The following CDH10 variants were observed in gnomAD, a reference collection of about 807,000 sequenced individuals.
CDH10 encodes cadherin-10.
CDH10 carries 30 observed loss-of-function variants against 73.1 expected under a neutral mutation model. That is an observed-to-expected ratio of 0.41 (90% CI 0.31 to 0.56). The LOEUF is 0.56. Among genes scored for constraint, CDH10 ranks in the 20% least tolerant of loss-of-function variants. CDH10 has a pLI of 0.27. For synonymous variants in CDH10, 345 were observed against 348.2 expected (o/e 0.99, Z 0.10); for missense variants, 815 against 973.7 (o/e 0.84, Z 2.17).
chr5:24,644,386 C>T (rs1748147894), intron 1 of CDH10, among the ~76,000 whole-genome samples: 1 of 151,998 alleles, frequency 6.6e-6, no homozygotes, highest in Non-Finnish European at 1.5e-5. Flanking sequence ...CTTTACATTG[C>T]CTATATAGAT....
intron 1 of CDH10, among the ~76,000 whole-genome samples, chr5:24,604,018 C>T (rs879046128): frequency 6.6e-6 from 1 of 152,054 alleles, no homozygotes; most frequent in Non-Finnish European, 1.5e-5. Flanking sequence ...TAAAGTTTTA[C>T]ATAAAAACAA....
intron 1 of CDH10, chr5:24,612,932 A>G (rs1746996865): frequency 6.6e-6 from 1 of 152,174 alleles, no homozygotes; most frequent in Non-Finnish European, 1.5e-5. Flanking sequence ...CTTCTTCTCA[A>G]GATTGTGCAG....
chr5:24,529,637 C>A (rs1743655918), intron 5 of CDH10, among the ~76,000 whole-genome samples: 1 of 151,920 alleles, frequency 6.6e-6, no homozygotes. Context: ...AATATCATAT[C>A]AAATCTCACT....
At chr5:24,567,572 A>G (rs764700700) in intron 2 of CDH10, among the ~76,000 whole-genome samples, 7 of 152,030 alleles carry the variant, frequency 4.6e-5, no homozygotes, top group Non-Finnish European at 5.9e-5. Context: ...AGGTCCATTT[A>G]AATAAAATTT....
chr5:24,624,748 G>A (rs1747434540), intron 1 of CDH10, among the ~76,000 whole-genome samples: 1 of 152,120 alleles, frequency 6.6e-6, no homozygotes, highest in South Asian at 2.1e-4. Context: ...GGTGAAAAAG[G>A]CAAGTCTGGA....
At chr5:24,548,606 C>G (rs912761441) in intron 2 of CDH10, among the ~76,000 whole-genome samples, 1 of 150,352 alleles carries the variant, frequency 6.7e-6, no homozygotes, top group African/African-American at 2.4e-5. Context: ...AAATGTTAAG[C>G]AGATCTAAAA....
At chr5:24,498,916 GTTT>G (rs1742391302) in intron 8 of CDH10, among the ~76,000 whole-genome samples, 1 of 151,726 alleles carries the variant, frequency 6.6e-6, no homozygotes, top group Non-Finnish European at 1.5e-5. Flanking sequence ...TTTTTTGTTT[GTTT>G]TTGTTTTGTT....
At chr5:24,536,643 T>G (rs1743963386) in intron 3 of CDH10, among the ~76,000 whole-genome samples, 1 of 152,046 alleles carries the variant, frequency 6.6e-6, no homozygotes, top group African/African-American at 2.4e-5. Context: ...TTAATGCAGT[T>G]TTAATTTTCT....
chr5:24,622,983 C>G (rs924513309), intron 1 of CDH10, among the ~76,000 whole-genome samples: 3 of 152,092 alleles, frequency 2.0e-5, no homozygotes, highest in African/African-American at 7.2e-5. Flanking sequence ...GTAGCACTTT[C>G]TAGGGCACAT....
intron 1 of CDH10, among the ~76,000 whole-genome samples, chr5:24,625,551 A>G: frequency 1.0e-5 from 1 of 95,690 alleles, no homozygotes; most frequent in African/African-American, 2.7e-5. Context: ...CTATCTGTAT[A>G]TATATATATA....
intron 2 of CDH10, among the ~76,000 whole-genome samples, chr5:24,576,112 T>C (rs770619610): frequency 6.6e-6 from 1 of 152,160 alleles, no homozygotes; most frequent in Non-Finnish European, 1.5e-5. Flanking sequence ...TTAGGGCATT[T>C]ATTTTTCTCA....
intron 2 of CDH10, among the ~76,000 whole-genome samples, chr5:24,577,013 A>T (rs1481857056): frequency 6.6e-6 from 1 of 151,986 alleles, no homozygotes. Context: ...TATTAAAAAA[A>T]AAAAACCCAA....
At chr5:24,535,428 A>T in intron 4 of CDH10, 149 bp from the exon 5 acceptor site, 1 of 808,112 alleles carries the variant, frequency 1.2e-6, no homozygotes, top group Non-Finnish European at 1.9e-6. Context: ...TATAAAAGTG[A>T]TTCTGCGGAA....
intron 9 of CDH10, among the ~76,000 whole-genome samples, chr5:24,494,623 A>C (rs1742196664): frequency 6.6e-6 from 1 of 152,164 alleles, no homozygotes; most frequent in East Asian, 1.9e-4. Context: ...TACAAAGTAT[A>C]ATTTCAATTT....
chr5:24,571,817 T>C (rs75711786), intron 2 of CDH10, among the ~76,000 whole-genome samples: 2 of 152,172 alleles, frequency 1.3e-5, no homozygotes, highest in East Asian at 3.9e-4. Flanking sequence ...GTATAAATAC[T>C]GCACCATACC....
rs2111613528 is a variant in CDH10 at position 24,488,146 on chromosome 5, T to C, written c.1884A>G (p.Val628=). The C allele has an allele frequency of 6.3e-7, 1 of 1,596,182 alleles. No individual in the cohort carries two copies. The highest frequency in any genetic ancestry group is 8.5e-7 in the Non-Finnish European group (1 of 1,173,658). Residue 628 remains valine (V), a synonymous_variant, in exon 12 of 12, where the codon GTA becomes GTG. Coordinates refer to ENST00000264463, the MANE Select transcript of CDH10 (RefSeq NM_006727.5). The part of the protein sequence containing the change: ...LLCIIILLVI[V]VLFAALKRQR... The stretch of plus-strand genomic sequence containing the variant: ...GTCTTTTCAGAGCTGCAAACAGTAC[T>C]ACTATAACTTGAAAAAAGACAAGAA...
chr5:24,535,701 A>G lies in CDH10; in HGVS notation c.646+2T>C, dbSNP rs2111882186. 1 of 1,607,298 alleles carries G rather than the reference A, an allele frequency of 6.2e-7. No homozygotes were observed. Among genetic ancestry groups the G allele is most frequent in the East Asian group, 2.2e-5 (1 of 44,754 alleles). On this transcript the variant is annotated splice_donor_variant, in intron 4 of 11. Coordinates refer to ENST00000264463, the MANE Select transcript of CDH10 (RefSeq NM_006727.5). LOFTEE classifies it high-confidence loss of function. Reference sequence around the variant, plus strand: ...AACAAACAGCAATTCATGATTCCTGACCTGTTTCAGGCTCCACAGAGAAAT... The same window carrying G: ...AACAAACAGCAATTCATGATTCCTGGCCTGTTTCAGGCTCCACAGAGAAAT...
At chr5:24,495,204 G>T (rs1742223867) in intron 9 of CDH10, among the ~76,000 whole-genome samples, 1 of 151,908 alleles carries the variant, frequency 6.6e-6, no homozygotes, top group African/African-American at 2.4e-5. Context: ...AACTCATTTT[G>T]GTCCATTTCC....
intron 8 of CDH10, among the ~76,000 whole-genome samples, chr5:24,500,667 G>A (rs73067110): frequency 3.2e-4 from 49 of 152,284 alleles, no homozygotes; most frequent in African/African-American, 1.1e-3. Context: ...ACAGTTACTT[G>A]TAAAATTAGG....
Sources: allele counts gnomAD v4.1 joint callset (sites outside exome capture counted in the v4.1 genomes callset), GRCh38; gene constraint gnomAD v4.1.1; transcripts MANE v1.5; gene names NCBI Gene and HGNC (gene_info 2026-07-23, HGNC 2026-07-21).